Variants in FER observed in about 807,000 individuals in gnomAD.
FER encodes FER tyrosine kinase, also known as tyrosine-protein kinase Fer.
In FER, 63 loss-of-function variants were observed where a neutral mutation model predicts 111.0. That is an observed-to-expected ratio of 0.57 (90% confidence interval 0.46 to 0.70). The LOEUF is 0.70. FER is among the 30% of genes least tolerant of loss of function. FER has a pLI of 0.00. For missense variants in FER, 914 were observed against 954.0 expected, an observed-to-expected ratio of 0.96 and a Z score of 0.55; for synonymous variants, 327 against 313.9, an observed-to-expected ratio of 1.04 and a Z score of -0.44.
At chr5:108,855,354 C>T (rs1329602480) in intron 5 of FER, among the ~76,000 whole-genome samples, 4 of 151,850 alleles carry the variant, frequency 2.6e-5, no homozygotes, top group African/African-American at 9.7e-5. Context: ...AAAGACCGGC[C>T]GGGCGCGGTG....
At chr5:109,063,418 A>G (rs1023620924) in intron 16 of FER, among the ~76,000 whole-genome samples, 29 of 152,198 alleles carry the variant, frequency 1.9e-4, no homozygotes, top group African/African-American at 7.0e-4. Flanking sequence ...GAGTCTAGAT[A>G]CTTGCCTGGC....
At chr5:108,799,850 T>C (rs1670782982) in intron 3 of FER, among the ~76,000 whole-genome samples, 1 of 151,134 alleles carries the variant, frequency 6.6e-6, no homozygotes, top group African/African-American at 2.4e-5. Context: ...TCTTTTCTTT[T>C]TTTTTTTTTT....
chr5:109,058,749 T>C (rs1251878817), intron 16 of FER, among the ~76,000 whole-genome samples: 2 of 137,186 alleles, frequency 1.5e-5, no homozygotes, highest in South Asian at 5.0e-4. Flanking sequence ...TTTTTTTTTT[T>C]TGAGACGGAG....
At chr5:109,187,397 A>T (rs768268842) in intron 19 of FER, 36 bp from the exon 20 acceptor site, 5 of 1,603,480 alleles carry the variant, frequency 3.1e-6, no homozygotes, top group Admixed American at 3.5e-5. Flanking sequence ...TCTTACCTCC[A>T]TTCTAAATTC....
At chr5:109,101,725 G>A (rs572312938) in intron 17 of FER, among the ~76,000 whole-genome samples, 66 of 152,106 alleles carry the variant, frequency 4.3e-4, no homozygotes, top group African/African-American at 1.3e-3. Context: ...GATAAGAATT[G>A]ACTTAAAAAG....
chr5:108,817,102 T>TCAA (rs1758355538), intron 3 of FER, among the ~76,000 whole-genome samples: 1 of 13,146 alleles, frequency 7.6e-5, no homozygotes, highest in Non-Finnish European at 1.8e-4. Context: ...AGACACTGTC[T>TCAA]CAAAAAAAAA....
rs140684108 is a variant in FER at position 109,044,880 on chromosome 5, A to G, written c.1829+85A>G. On this transcript the variant is annotated intron_variant, in intron 15 of 19. Transcript: ENST00000281092. ...AAGTTTGAAGACATCTTAAATTGTGATTTACTGAAATAGTAGGGGTAAGCA... is the reference window on the plus strand; with the variant it reads ...AAGTTTGAAGACATCTTAAATTGTGGTTTACTGAAATAGTAGGGGTAAGCA... 4.8e-5 allele frequency: 35 copies of G among 730,606 alleles called. No individual in the cohort carries two copies. The East Asian group carries it at 9.0e-4, about 19-fold the overall frequency. 45.3% of individuals were successfully genotyped at this position (730,606 alleles called of 1,614,324 possible).
rs1759736441 is a variant in FER at position 109,196,199 on chromosome 5, C to CT, written c.*8626dup. 6.6e-6 allele frequency: 1 copy of CT among 152,176 alleles called. No homozygotes were observed. 9.4% of individuals were successfully genotyped at this position (152,176 alleles called of 1,614,324 possible). The stretch of plus-strand genomic sequence containing the variant: ...GGGTGGCCCTCTAGTCTAGGGCTCT[C>CT]TTAGTGAATGGTTGTGGAAATATGA... On this transcript the variant is annotated 3_prime_UTR_variant, in exon 20 of 20. Transcript: ENST00000281092.
At chr5:108,809,146 A>G (rs1183668488) in intron 3 of FER, among the ~76,000 whole-genome samples, 1 of 152,192 alleles carries the variant, frequency 6.6e-6, no homozygotes, top group South Asian at 2.1e-4. Flanking sequence ...CTCCAGTAAG[A>G]TTAGGGAAAC....
At chr5:109,055,790 C>CA (rs77291685) in intron 16 of FER, among the ~76,000 whole-genome samples, 6,186 of 72,312 alleles carry the variant, frequency 0.086, 235 homozygotes, top group South Asian at 0.1. Context: ...AACCTTGTCT[C>CA]AAAAAAAAAA....
intron 16 of FER, among the ~76,000 whole-genome samples, chr5:109,096,905 TAAC>T (rs1245866281): frequency 1.3e-5 from 2 of 150,546 alleles, no homozygotes; most frequent in African/African-American, 2.4e-5. Flanking sequence ...TTTTACAAAA[TAAC>T]AACAACAATA....
chr5:109,097,347 G>A (rs1363539146), intron 16 of FER, among the ~76,000 whole-genome samples: 4 of 151,802 alleles, frequency 2.6e-5, no homozygotes, highest in African/African-American at 7.2e-5. Context: ...TTGGTTTAAT[G>A]TGCAACATAC....
chr5:109,134,951 G>C (rs554240180), intron 17 of FER, among the ~76,000 whole-genome samples: 1 of 152,132 alleles, frequency 6.6e-6, no homozygotes, highest in South Asian at 2.1e-4. Context: ...TGTGATCTTC[G>C]TAAGGGCAGA....
intron 17 of FER, among the ~76,000 whole-genome samples, chr5:109,139,905 G>A (rs1024503926): frequency 1.3e-5 from 2 of 152,088 alleles, no homozygotes; most frequent in African/African-American, 4.8e-5. Flanking sequence ...AAAAAAAATA[G>A]AATTAAACAC....
intron 13 of FER, among the ~76,000 whole-genome samples, chr5:108,986,685 A>G (rs1762612078): frequency 6.6e-6 from 1 of 152,116 alleles, no homozygotes; most frequent in Admixed American, 6.6e-5. Flanking sequence ...TATTCCAGCA[A>G]CATTTGTTGA....
chr5:108,838,683 G>C (rs868656657), intron 5 of FER, among the ~76,000 whole-genome samples: 1 of 152,028 alleles, frequency 6.6e-6, no homozygotes, highest in South Asian at 2.1e-4. Context: ...TTTATGTTTA[G>C]TATAATGTAA....
At chr5:109,185,772 T>TAA (rs1366101545) in intron 18 of FER, among the ~76,000 whole-genome samples, 1 of 152,212 alleles carries the variant, frequency 6.6e-6, no homozygotes, top group Non-Finnish European at 1.5e-5. Context: ...ACTCATTTGG[T>TAA]AAGTTTAAAT....
chr5:108,868,192 T>A (rs748558030), intron 6 of FER, among the ~76,000 whole-genome samples: 3 of 152,038 alleles, frequency 2.0e-5, no homozygotes, highest in Non-Finnish European at 4.4e-5. Flanking sequence ...TTTCCTTAGC[T>A]GGAAATTTAA....
intron 16 of FER, among the ~76,000 whole-genome samples, chr5:109,091,816 C>G (rs1187804251): frequency 6.6e-6 from 1 of 152,030 alleles, no homozygotes; most frequent in Non-Finnish European, 1.5e-5. Context: ...ACACTTCTTA[C>G]CTAAGACTCA....
Sources: gnomAD v4.1 joint callset for allele counts (sites outside exome capture counted in the v4.1 genomes callset) on GRCh38, gnomAD v4.1.1 for gene constraint, MANE v1.5 for transcripts, NCBI Gene and HGNC (gene_info 2026-07-23, HGNC 2026-07-21) for gene names.